LONRF1: variants seen among roughly 807,000 people sequenced by gnomAD.
The protein encoded by LONRF1 is LON peptidase N-terminal domain and ring finger 1.
A neutral mutation model predicts 85.8 loss-of-function variants in LONRF1; 37 were observed. The ratio of observed to expected loss-of-function variants is 0.43; its 90% CI spans 0.33 to 0.57. LONRF1 has a LOEUF of 0.57. LONRF1 is among the 20% of genes least tolerant of loss of function. The pLI, the probability that LONRF1 is intolerant of heterozygous loss-of-function variation, is 0.04. For synonymous variants in LONRF1, 517 were observed against 390.1 expected (o/e 1.33, Z -3.83); for missense variants, 1,036 against 978.0 (o/e 1.06, Z -0.79).
intron 11 of LONRF1, 66 bp from the exon 12 acceptor site, chr8:12,723,320 A>G: frequency 6.8e-7 from 1 of 1,463,186 alleles, no homozygotes; most frequent in South Asian, 1.3e-5. Context: ...GTAGCAAACC[A>G]CCAAAAAATT....
At chr8:12,743,632 G>C (rs780312948) in intron 1 of LONRF1, among the ~76,000 whole-genome samples, 2 of 152,006 alleles carry the variant, frequency 1.3e-5, no homozygotes, top group Admixed American at 6.6e-5. Context: ...GTTTAGATTT[G>C]CCTTTTTATA....
chr8:12,740,287 A>C (rs1798880964), intron 3 of LONRF1, among the ~76,000 whole-genome samples: 2 of 152,236 alleles, frequency 1.3e-5, no homozygotes, highest in Non-Finnish European at 2.9e-5. Flanking sequence ...TCATGCTGGC[A>C]TATCAAAAGC....
intron 1 of LONRF1, 41 bp from the exon 2 acceptor site, chr8:12,743,323 G>T: frequency 8.6e-7 from 1 of 1,165,744 alleles, no homozygotes; most frequent in South Asian, 1.3e-5. Context: ...ATTTTTAAAA[G>T]ATTATTACAT....
At chr8:12,750,644 A>C (rs1799343888) in intron 1 of LONRF1, among the ~76,000 whole-genome samples, 1 of 152,222 alleles carries the variant, frequency 6.6e-6, no homozygotes, top group African/African-American at 2.4e-5. Context: ...TAAAGATAAT[A>C]AAAACCCTCT....
chr8:12,738,852 C>A (rs370206404), intron 3 of LONRF1: 1 of 152,094 alleles, frequency 6.6e-6, no homozygotes, highest in Non-Finnish European at 1.5e-5. Context: ...GGTGGTCAAA[C>A]AATCTGTATT....
intron 4 of LONRF1, 42 bp from the exon 5 acceptor site, chr8:12,737,182 T>A: frequency 6.3e-7 from 1 of 1,595,094 alleles, no homozygotes; most frequent in South Asian, 1.1e-5. Context: ...ATTTCTTTAC[T>A]ATCCTTTATT....
chr8:12,741,082 G>A (rs1798916040), intron 2 of LONRF1, 86 bp from the exon 3 acceptor site: 1 of 1,488,808 alleles, frequency 6.7e-7, no homozygotes, highest in Non-Finnish European at 9.1e-7. Context: ...ACAATAGTCT[G>A]CTCAGCAGTG....
In LONRF1 at chr8:12,736,926, C is replaced by T; in HGVS notation, c.1328G>A (p.Gly443Glu). 1 of 1,610,848 alleles carries T rather than the reference C, an allele frequency of 6.2e-7. No homozygotes were observed. The highest frequency in any genetic ancestry group is 8.5e-7 in the Non-Finnish European group (1 of 1,178,812). Reference sequence around the variant, plus strand: ...TCCTTGTTTTTTCAGCTTATTTCTTCCATCTTCATTTACAATCACATCCTG... The same window carrying T: ...TCCTTGTTTTTTCAGCTTATTTCTTTCATCTTCATTTACAATCACATCCTG... ...LEQDVIVNED[G>E]RNKLKKQGET... The change falls in exon 5 of 12, where the codon GGA (glycine) becomes GAA (glutamate). Residue 443 changes from glycine to glutamate, a missense_variant. Gly to Glu is a moderately conservative substitution (Grantham distance 98, BLOSUM62 -2). Transcript: ENST00000398246.
In LONRF1 at chr8:12,722,032, A is replaced by G. The variant is rs1027308853; in HGVS notation, c.*1064T>C. The G allele has an allele frequency of 6.6e-6, 1 of 152,638 alleles. No homozygotes were observed. The highest frequency in any genetic ancestry group is 2.4e-5 in the African/African-American group (1 of 41,450). 9.5% of individuals were successfully genotyped at this position (152,638 alleles called of 1,614,324 possible). A position where few individuals can be genotyped will look rare whatever the true frequency, so the allele number is the denominator to read the frequency against. On this transcript the variant is annotated 3_prime_UTR_variant, in exon 12 of 12. Coordinates refer to ENST00000398246, the MANE Select transcript of LONRF1 (RefSeq NM_152271.5). ...CACAAATTTGCAACAAATAATTACA[A>G]AAGTTTCTAGGGCAGCATGAATATA... is the stretch of plus-strand genomic sequence containing the variant.
chr8:12,750,766 T>C (rs1799350855), intron 1 of LONRF1, among the ~76,000 whole-genome samples: 1 of 152,214 alleles, frequency 6.6e-6, no homozygotes, highest in African/African-American at 2.4e-5. Flanking sequence ...CTAGTTAACA[T>C]GTGTAAACTA....
chr8:12,737,476 G>A (rs766597737), intron 4 of LONRF1: 1 of 400,880 alleles, frequency 2.5e-6, no homozygotes, highest in South Asian at 2.1e-5. Flanking sequence ...CATTGTATTA[G>A]GTATTATAAG....
chr8:12,755,381 TC>T lies in LONRF1; in HGVS notation c.39del (p.Ser14ValfsTer51). Reference protein sequence around the residue: ...SPAVARTSPGGSREMAPAPQG... With the variant: ...SPAVARTSPGXSREMAPAPQG... ...TGCGGCGCTGGGGCCATCTCCCGAC[TC>T]CCTCCTGGGGAGGTCCTCGCCACCG... On this transcript the variant is annotated frameshift_variant, in exon 1 of 12. Coordinates refer to ENST00000398246, the MANE Select transcript of LONRF1 (RefSeq NM_152271.5). LOFTEE classifies it high-confidence loss of function. 8.4e-7 allele frequency: 1 copy of T among 1,196,910 alleles called. No homozygotes were observed. Among genetic ancestry groups the T allele is most frequent in the Non-Finnish European group, 1.0e-6 (1 of 964,720 alleles). 74.1% of individuals were successfully genotyped at this position (1,196,910 alleles called of 1,614,324 possible).
chr8:12,751,493 C>T (rs1266890759), intron 1 of LONRF1, among the ~76,000 whole-genome samples: 2 of 150,704 alleles, frequency 1.3e-5, no homozygotes, highest in South Asian at 2.1e-4. Flanking sequence ...CTAGTAGATA[C>T]GGGGTTTCAC....
chr8:12,740,845 T>C, intron 3 of LONRF1, 29 bp downstream of exon 3: 1 of 1,610,618 alleles, frequency 6.2e-7, no homozygotes, highest in African/African-American at 1.3e-5. Context: ...AGCCCTACCA[T>C]GAACTGTAAT....
At position 12,727,192 on chromosome 8, in the gene LONRF1, G is replaced by A. The variant is rs557810216; in HGVS notation, c.2011-1313C>T. 8 of 146,768 alleles carry A rather than the reference G, an allele frequency of 5.5e-5. No individual in the cohort carries two copies. The East Asian group carries it at 1.0e-3, about 19-fold the overall frequency. 9.1% of individuals were successfully genotyped at this position (146,768 alleles called of 1,614,324 possible). A position where few individuals can be genotyped will look rare whatever the true frequency, so the allele number is the denominator to read the frequency against. The stretch of plus-strand genomic sequence containing the variant: ...TCAAGAAAACAAATGACAGGCTCTG[G>A]TAAACAAGGAATGATAACAATTATA... On this transcript the variant is annotated intron_variant, in intron 10 of 11. Coordinates refer to ENST00000398246, the MANE Select transcript of LONRF1 (RefSeq NM_152271.5).
chr8:12,734,999 T>C lies in LONRF1; in HGVS notation c.1566+287A>G, dbSNP rs17116376. 1.7e-3 allele frequency among the ~76,000 whole-genome samples: 257 copies of C among 152,148 alleles called. 6 individuals carry two copies. The East Asian group carries it at 0.044, about 26-fold the overall frequency. On this transcript the variant is annotated intron_variant, in intron 7 of 11. Transcript: ENST00000398246. ...TTCCCCAGTATAGTCATCACCAAAA[T>C]TGAACTTATCCCTGACCAGATAACT...
chr8:12,725,874 C>G lies in LONRF1; in HGVS notation c.2016G>C (p.Glu672Asp), dbSNP rs371808409. ...DIEYLEDVKVENEDEIKNLRE... is the reference protein window; with the variant it reads ...DIEYLEDVKVDNEDEIKNLRE... ...TGAGATTCTTAATCTCATCTTCATTCTCAACCTAGAAATACAATAGTCAGT... is the reference window on the plus strand; with the variant it reads ...TGAGATTCTTAATCTCATCTTCATTGTCAACCTAGAAATACAATAGTCAGT... Residue 672 changes from glutamate to aspartate, a missense_variant, in exon 11 of 12, where the codon GAG (glutamate) becomes GAC (aspartate). By Grantham distance (45) the Glu-to-Asp change is conservative (BLOSUM62 2). Transcript: ENST00000398246. 4.4e-5 allele frequency: 70 copies of G among 1,608,312 alleles called. No individual in the cohort carries two copies. Among genetic ancestry groups the G allele is most frequent in the Non-Finnish European group, 5.6e-5 (66 of 1,176,876 alleles).
Position 12,745,946 on chromosome 8 carries a change from C to A in LONRF1, c.722-2664G>T, listed in dbSNP as rs536108096. Among the ~76,000 whole-genome samples the A allele has an allele frequency of 2.0e-5, 3 of 152,246 alleles. No homozygotes were observed. The South Asian group carries it at 6.2e-4, about 32-fold the overall frequency. ...CTTTATCTTTAGTCCTGATTTTTCA[C>A]CCTAACTTCAGATTCATCAAATTTC... On this transcript the variant is annotated intron_variant, in intron 1 of 11. Transcript: ENST00000398246.
In LONRF1 at chr8:12,731,837, G is replaced by A; in HGVS notation, c.1587C>T (p.Tyr529=). The stretch of plus-strand genomic sequence containing the variant: ...ATTCTTCCAACAGCTGTGTGACACA[G>A]TACCTCCTATCTGCTAGATACTAAA... ...SLKEYLADRR[Y]CVTQLLEELI... Residue 529 remains tyrosine (Y), a synonymous_variant, in exon 8 of 12, where the codon TAC becomes TAT. Transcript: ENST00000398246. The A allele has an allele frequency of 6.2e-7, 1 of 1,612,562 alleles. No homozygotes were observed. Among genetic ancestry groups the A allele is most frequent in the Non-Finnish European group, 8.5e-7 (1 of 1,179,014 alleles).
Sources: gnomAD v4.1 joint callset for allele counts (sites outside exome capture counted in the v4.1 genomes callset) on GRCh38, gnomAD v4.1.1 for gene constraint, MANE v1.5 for transcripts, NCBI Gene and HGNC (gene_info 2026-07-23, HGNC 2026-07-21) for gene names.